The following UNC79 variants were observed in gnomAD, a reference collection of about 807,000 sequenced individuals.
UNC79 encodes protein unc-79 homolog.
UNC79 carries 37 observed loss-of-function variants against 283.1 expected under a neutral mutation model. The observed-to-expected ratio is 0.13, with a 90% CI of 0.10 to 0.17. UNC79 has a LOEUF of 0.17. Among genes scored for constraint, UNC79 ranks in the 10% least tolerant of loss-of-function variants. UNC79 has a pLI of 1.00. For missense variants in UNC79, 2,272 were observed against 3,211.1 expected, an observed-to-expected ratio of 0.71 and a Z score of 7.07; for synonymous variants, 1,107 against 1,200.2, an observed-to-expected ratio of 0.92 and a Z score of 1.61.
chr14:93,357,811 A>ATGTATATATATGGATATATGGATATG (rs373608635), intron 1 of UNC79, among the ~76,000 whole-genome samples: 1 of 70,644 alleles, frequency 1.4e-5, no homozygotes, highest in Non-Finnish European at 2.5e-5. Flanking sequence ...ATATATGGAT[A>ATGTATATATATGGATATATGGATATG]TATATATATG....
exon 4 of UNC79, chr14:93,477,661 C>G: frequency 6.2e-7 from 1 of 1,613,446 alleles, no homozygotes; most frequent in South Asian, 1.1e-5. Context: ...CGTTGGCTAC[C>G]TTTCCTCCAT....
intron 1 of UNC79, chr14:93,348,110 GA>G (rs1566883773): frequency 6.3e-7 from 1 of 1,595,580 alleles, no homozygotes; most frequent in East Asian, 2.2e-5. Flanking sequence ...AAGCAGTTCA[GA>G]AGGAATTAGA....
intron 43 of UNC79, among the ~76,000 whole-genome samples, chr14:93,687,025 A>G (rs2074293440): frequency 6.6e-6 from 1 of 152,202 alleles, no homozygotes; most frequent in South Asian, 2.1e-4. Context: ...TGAACCCAAG[A>G]TTCTTGTGAC....
intron 1 of UNC79, among the ~76,000 whole-genome samples, chr14:93,396,808 T>TG (rs58471175): frequency 5.8e-4 from 85 of 146,058 alleles, no homozygotes; most frequent in African/African-American, 2.0e-3. Flanking sequence ...TGTGTGTGTG[T>TG]TGTGGCATGC....
intron 7 of UNC79, among the ~76,000 whole-genome samples, chr14:93,503,048 G>GT (rs1038477987): frequency 2.6e-5 from 4 of 152,140 alleles, no homozygotes; most frequent in African/African-American, 9.7e-5. Context: ...AAATTTATAA[G>GT]TGTTCATGGA....
intron 4 of UNC79, among the ~76,000 whole-genome samples, chr14:93,482,744 A>G (rs1245284204): frequency 6.6e-6 from 1 of 152,190 alleles, no homozygotes; most frequent in Non-Finnish European, 1.5e-5. Flanking sequence ...CATTGGGGCC[A>G]GTCCAGTAGC....
At position 93,622,847 on chromosome 14, in the gene UNC79, C is replaced by G. The variant is rs2139948839; in HGVS notation, c.5608+6C>G. The G allele has an allele frequency of 6.2e-7, 1 of 1,609,152 alleles. No individual in the cohort carries two copies. Among genetic ancestry groups the G allele is most frequent in the East Asian group, 2.2e-5 (1 of 44,818 alleles). ...GGGAGAACAGAAAGATCCAGGTAAGCTCGCCTCTCTTCTTTCTCTCAGCCT... is the reference window on the plus strand; with the variant it reads ...GGGAGAACAGAAAGATCCAGGTAAGGTCGCCTCTCTTCTTTCTCTCAGCCT... On this transcript the variant is annotated splice_donor_region_variant and intron_variant, in intron 30 of 48. Transcript: ENST00000555664.
At chr14:93,649,273 T>C (rs902947457) in intron 35 of UNC79, among the ~76,000 whole-genome samples, 1 of 152,240 alleles carries the variant, frequency 6.6e-6, no homozygotes, top group Non-Finnish European at 1.5e-5. Context: ...TTTCTTATGT[T>C]CTATTCGATG....
rs572459856 is a variant in UNC79, at chr14:93,582,585, C to T, written c.2803+241C>T. Among the ~76,000 whole-genome samples the T allele has an allele frequency of 9.2e-5, 14 of 152,196 alleles. No homozygotes were observed. In the South Asian group the frequency reaches 1.7e-3, roughly 18 times the overall value. On this transcript the variant is annotated intron_variant, in intron 20 of 48. Coordinates refer to ENST00000555664, the Ensembl canonical transcript of UNC79. Reference sequence around the variant, plus strand: ...GCACCGGTTTTCAATAAAAACTCATCGCCTCCCTACTTACAATGCGAGGTA... The same window carrying T: ...GCACCGGTTTTCAATAAAAACTCATTGCCTCCCTACTTACAATGCGAGGTA...
At chr14:93,364,510 CAGTAGTCACAGTAG>C (rs2054289958) in intron 1 of UNC79, among the ~76,000 whole-genome samples, 1 of 147,524 alleles carries the variant, frequency 6.8e-6, no homozygotes, top group African/African-American at 2.5e-5. Flanking sequence ...AAACATAGCT[CAGTAGTCACAGTAG>C]AAGGGTGTTT....
intron 20 of UNC79, among the ~76,000 whole-genome samples, chr14:93,586,044 G>C (rs2064201748): frequency 6.6e-6 from 1 of 152,048 alleles, no homozygotes. Flanking sequence ...ATCATGCCTG[G>C]CTAATTTTTG....
At chr14:93,372,214 T>C (rs1306973125) in intron 1 of UNC79, among the ~76,000 whole-genome samples, 1 of 152,234 alleles carries the variant, frequency 6.6e-6, no homozygotes, top group East Asian at 1.9e-4. Flanking sequence ...ATAGCAACAA[T>C]GTATTCAATT....
At chr14:93,487,475 A>G (rs1566987884) in intron 4 of UNC79, among the ~76,000 whole-genome samples, 188 bp from the exon 5 acceptor site, 2 of 152,032 alleles carry the variant, frequency 1.3e-5, no homozygotes, top group South Asian at 2.1e-4. Flanking sequence ...CAATTTTCCT[A>G]TGGAGATGAC....
At chr14:93,509,815 C>T (rs1209179537) in intron 7 of UNC79, among the ~76,000 whole-genome samples, 1 of 152,154 alleles carries the variant, frequency 6.6e-6, no homozygotes, top group African/African-American at 2.4e-5. Context: ...ATCTACCATT[C>T]TGGGGTCTGG....
intron 47 of UNC79, among the ~76,000 whole-genome samples, chr14:93,695,560 C>T (rs117480617): frequency 0.026 from 3,959 of 152,170 alleles, 69 homozygotes; most frequent in South Asian, 0.063. Flanking sequence ...TTATGCCATG[C>T]ACCATGATCA....
chr14:93,677,914 C>T (rs1382874506), intron 41 of UNC79, among the ~76,000 whole-genome samples: 1 of 152,170 alleles, frequency 6.6e-6, no homozygotes, highest in East Asian at 1.9e-4. Flanking sequence ...TCCCAAAGTG[C>T]TGGGATTACA....
At position 93,580,137 on chromosome 14, in the gene UNC79, G is replaced by C; in HGVS notation, c.2434-12G>C. On this transcript the variant is annotated splice_polypyrimidine_tract_variant and intron_variant, in intron 18 of 48. Transcript: ENST00000555664. ...GTGTGTGTGCGTGTGTCCTTTTTTT[G>C]ATGTCTTTCAGATGGAGTTACAAGA... 6.3e-7 allele frequency: 1 copy of C among 1,586,354 alleles called. No homozygotes were observed. The highest frequency in any genetic ancestry group is 8.6e-7 in the Non-Finnish European group (1 of 1,166,436).
At chr14:93,682,785 G>C (rs911351338) in intron 42 of UNC79, 91 bp downstream of exon 45, 2 of 1,262,570 alleles carry the variant, frequency 1.6e-6, no homozygotes, top group Non-Finnish European at 2.2e-6. Flanking sequence ...CAGGGTTTGA[G>C]GCCTGCCATT....
chr14:93,435,425 C>T (rs58835753), intron 1 of UNC79, among the ~76,000 whole-genome samples: 20,562 of 152,138 alleles, frequency 0.14, 1,927 homozygotes, highest in African/African-American at 0.26. Flanking sequence ...ATTAGCTTCG[C>T]ACAGGAATCT....
Sources: allele counts gnomAD v4.1 joint callset (sites outside exome capture counted in the v4.1 genomes callset), GRCh38; gene constraint gnomAD v4.1.1; transcripts MANE v1.5; gene names NCBI Gene and HGNC (gene_info 2026-07-23, HGNC 2026-07-21).